The following SQLE variants were observed in gnomAD, a reference collection of about 807,000 sequenced individuals.
The protein encoded by SQLE is squalene epoxidase, also known as squalene monooxygenase.
Under a neutral mutation model 60.7 loss-of-function variants are expected in SQLE, and 29 were observed. The ratio of observed to expected loss-of-function variants is 0.48; its 90% confidence interval spans 0.36 to 0.65. The LOEUF (loss-of-function observed/expected upper bound fraction) is 0.65, where lower values mean the gene tolerates loss of function less well. Among genes scored for constraint, SQLE ranks in the 30% least tolerant of loss-of-function variants. The pLI is 0.00. For missense variants in SQLE, 605 were observed against 684.1 expected (o/e 0.88, Z 1.29); for synonymous variants, 237 against 246.8 (o/e 0.96, Z 0.37).
chr8:125,012,712 A>G (rs1447066443), intron 7 of SQLE, among the ~76,000 whole-genome samples: 2 of 152,232 alleles, frequency 1.3e-5, no homozygotes, highest in Non-Finnish European at 2.9e-5. Flanking sequence ...CAATGCTGCT[A>G]TGAACATCTG....
chr8:125,009,038 C>A lies in SQLE; in HGVS notation c.890C>A (p.Ser297Tyr). Residue 297 changes from serine (S) to tyrosine (Y), a missense_variant, in exon 5 of 11, where the codon TCC becomes TAC. Coordinates refer to ENST00000265896, the MANE Select transcript of SQLE (RefSeq NM_003129.4). ...TCCAAGTTCAGGAAAAGCCTGGTCT[C>A]CAATAAAGTTTCTGTATCATCTCAT... ...LFSKFRKSLVSNKVSVSSHFV... is the reference protein window; with the variant it reads ...LFSKFRKSLVYNKVSVSSHFV... 1 of 1,603,624 alleles carries A rather than the reference C, an allele frequency of 6.2e-7. No individual in the cohort carries two copies. The highest frequency in any genetic ancestry group is 1.1e-5 in the South Asian group (1 of 88,172).
At chr8:125,010,918 CAG>C (rs1232962997) in intron 6 of SQLE, 2 of 131,540 alleles carry the variant, frequency 1.5e-5, no homozygotes, top group South Asian at 2.7e-4. Context: ...TAATTTTTAA[CAG>C]AGGCTTCTGC....
intron 6 of SQLE, 65 bp downstream of exon 6, chr8:125,009,408 C>A: frequency 1.4e-6 from 2 of 1,394,588 alleles, no homozygotes; most frequent in Non-Finnish European, 1.9e-6. Flanking sequence ...ATAAGGATGG[C>A]AGGTGAAACA....
chr8:125,019,650 C>T (rs565315993), intron 9 of SQLE, among the ~76,000 whole-genome samples: 9 of 152,292 alleles, frequency 5.9e-5, no homozygotes, highest in Middle Eastern at 3.4e-3. Flanking sequence ...GCAGTGTACA[C>T]ATCAGTTTAA....
At chr8:125,013,356 C>CTTTTTCTT (rs71576761) in intron 7 of SQLE, among the ~76,000 whole-genome samples, 8 of 136,432 alleles carry the variant, frequency 5.9e-5, no homozygotes, top group Admixed American at 1.5e-4. Flanking sequence ...TTTTCTTTTT[C>CTTTTTCTT]TTTTTTTTTT....
chr8:125,009,394 A>G (rs1815005893), intron 6 of SQLE, 51 bp downstream of exon 6: 1 of 1,505,830 alleles, frequency 6.6e-7, no homozygotes, highest in South Asian at 1.3e-5. Flanking sequence ...AAAATAGGCC[A>G]GAGATAAGGA....
intron 8 of SQLE, 37 bp downstream of exon 8, chr8:125,018,238 G>C: frequency 1.2e-6 from 2 of 1,606,150 alleles, no homozygotes; most frequent in Non-Finnish European, 1.7e-6. Flanking sequence ...GTCTCAAAAT[G>C]GATTTATTTC....
intron 3 of SQLE, 104 bp downstream of exon 3, chr8:125,005,809 T>C: frequency 1.0e-6 from 1 of 987,552 alleles, no homozygotes; most frequent in Admixed American, 3.3e-5. Context: ...TTTTGGGGCA[T>C]AGTCTAGAAC....
chr8:125,003,129 A>T (rs1355541885), intron 1 of SQLE, 47 bp from the exon 2 acceptor site: 3 of 1,525,268 alleles, frequency 2.0e-6, no homozygotes, highest in African/African-American at 1.4e-5. Context: ...GCATGATTTG[A>T]ATCTAACAAA....
chr8:124,998,642 G>C lies in SQLE; in HGVS notation c.-762G>C. On this transcript the variant is annotated 5_prime_UTR_variant, in exon 1 of 11. Transcript: ENST00000265896. ...GTCGGGAGCCGCCGCCGCCATCTGAGGGAGGTACCCTGGAAACCACCTTTT... is the reference window on the plus strand; with the variant it reads ...GTCGGGAGCCGCCGCCGCCATCTGACGGAGGTACCCTGGAAACCACCTTTT... The C allele has an allele frequency of 1.5e-6, 1 of 677,656 alleles. No individual in the cohort carries two copies. The highest frequency in any genetic ancestry group is 1.5e-5 in the South Asian group (1 of 65,188). The allele number at this position is 677,656 out of a possible 1,614,324, so 42.0% of individuals were successfully genotyped here. A position where few individuals can be genotyped will look rare whatever the true frequency, so the allele number is the denominator to read the frequency against.
At chr8:125,006,873 T>C (rs928579550) in intron 3 of SQLE, among the ~76,000 whole-genome samples, 10 of 151,646 alleles carry the variant, frequency 6.6e-5, no homozygotes, top group Non-Finnish European at 1.5e-4. Flanking sequence ...CCTGGCAAAT[T>C]TTTGTATTTT....
At chr8:125,007,177 A>T (rs1814965825) in intron 3 of SQLE, among the ~76,000 whole-genome samples, 3 of 152,180 alleles carry the variant, frequency 2.0e-5, no homozygotes, top group Non-Finnish European at 4.4e-5. Flanking sequence ...AAATATTTTT[A>T]AAATATTTAA....
In SQLE at chr8:125,007,558, A is replaced by T. The variant is rs1814973265; in HGVS notation, c.822+71A>T. 1.4e-5 allele frequency: 14 copies of T among 1,004,572 alleles called. No individual in the cohort carries two copies. In the South Asian group the frequency reaches 2.3e-4, roughly 17 times the overall value. 62.2% of individuals were successfully genotyped at this position (1,004,572 alleles called of 1,614,324 possible). On this transcript the variant is annotated intron_variant, in intron 4 of 10. Transcript: ENST00000265896. ...CCTGCTTTTTCACTTACCCCTTTAAAAAAGTAGGCTTACCGGTTTACATGT... is the reference window on the plus strand; with the variant it reads ...CCTGCTTTTTCACTTACCCCTTTAATAAAGTAGGCTTACCGGTTTACATGT...
Position 125,003,370 on chromosome 8 carries a change from A to T in SQLE, c.486A>T (p.Ile162=). The T allele has an allele frequency of 1.2e-6, 2 of 1,614,020 alleles. No homozygotes were observed. Among genetic ancestry groups the T allele is most frequent in the Non-Finnish European group, 1.7e-6 (2 of 1,179,896 alleles). The change falls in exon 2 of 11, where the codon ATA becomes ATT. Residue 162 remains isoleucine, a synonymous_variant. Coordinates refer to ENST00000265896, the MANE Select transcript of SQLE (RefSeq NM_003129.4). ...IERDLKEPDR[I]VGEFLQPGGY... is the part of the protein sequence containing the mutation. ...GAGACTTAAAAGAGCCTGACAGAAT[A>T]GTTGGAGAATTCCTGCAGCCGGGTG...
chr8:124,998,551 C>G lies in SQLE; in HGVS notation c.-853C>G. 1.5e-6 allele frequency: 1 copy of G among 678,766 alleles called. No homozygotes were observed. The highest frequency in any genetic ancestry group is 2.7e-6 in the Non-Finnish European group (1 of 374,434). 42.0% of individuals were successfully genotyped at this position (678,766 alleles called of 1,614,324 possible). The stretch of plus-strand genomic sequence containing the variant: ...CGAGTGGGGGCGTGCGACGGTTACT[C>G]TGGTTACTGGGGCCGCGCCGCGCTG... On this transcript the variant is annotated 5_prime_UTR_variant, in exon 1 of 11. Coordinates refer to ENST00000265896, the MANE Select transcript of SQLE (RefSeq NM_003129.4).
Position 124,998,578 on chromosome 8 carries a change from C to G in SQLE, c.-826C>G, listed in dbSNP as rs1305865361. The G allele has an allele frequency of 7.3e-6, 5 of 685,508 alleles. No homozygotes were observed. The highest frequency in any genetic ancestry group is 1.3e-5 in the Non-Finnish European group (5 of 377,366). The allele number at this position is 685,508 out of a possible 1,614,324, so 42.5% of individuals were successfully genotyped here. On this transcript the variant is annotated 5_prime_UTR_variant, in exon 1 of 11. Transcript: ENST00000265896. Reference sequence around the variant, plus strand: ...GGTTACTGGGGCCGCGCCGCGCTGGCGAGAGCCGCCGCCCGCGAGGGATGC... The same window carrying G: ...GGTTACTGGGGCCGCGCCGCGCTGGGGAGAGCCGCCGCCCGCGAGGGATGC...
At chr8:125,015,699 G>A (rs1212532500) in intron 7 of SQLE, among the ~76,000 whole-genome samples, 1 of 151,934 alleles carries the variant, frequency 6.6e-6, no homozygotes, top group East Asian at 1.9e-4. Context: ...TGTGAGTTTT[G>A]TACCTTCATG....
At chr8:125,007,106 ATTTTT>A (rs1225575692) in intron 3 of SQLE, among the ~76,000 whole-genome samples, 1 of 152,156 alleles carries the variant, frequency 6.6e-6, no homozygotes, top group Admixed American at 6.5e-5. Flanking sequence ...CCTATATTTT[ATTTTT>A]TAACAAATTA....
chr8:125,018,507 A>G, intron 8 of SQLE, 124 bp from the exon 9 acceptor site: 1 of 689,366 alleles, frequency 1.5e-6, no homozygotes. Flanking sequence ...GTAAATGATA[A>G]ACATAAGGCA....
Sources: allele counts gnomAD v4.1 joint callset (sites outside exome capture counted in the v4.1 genomes callset), GRCh38; gene constraint gnomAD v4.1.1; transcripts MANE v1.5; gene names NCBI Gene and HGNC (gene_info 2026-07-23, HGNC 2026-07-21).